Variants in TTC16 observed in about 807,000 individuals in gnomAD.
The protein encoded by TTC16 is tetratricopeptide repeat domain 16.
A neutral mutation model predicts 80.4 loss-of-function variants in TTC16; 66 were observed. The observed-to-expected ratio is 0.82, with a 90% CI of 0.67 to 1.01. The LOEUF (loss-of-function observed/expected upper bound fraction) is 1.01, where lower values mean the gene tolerates loss of function less well. Among genes scored for constraint, TTC16 ranks in the 50% least tolerant of loss-of-function variants. The pLI is 0.00. For missense variants in TTC16, 1,070 were observed against 1,103.2 expected (o/e 0.97, Z 0.43); for synonymous variants, 438 against 451.3 (o/e 0.97, Z 0.37).
rs377723581 is a variant in TTC16, at chr9:127,723,288, G to A, written c.827G>A (p.Arg276His). Residue 276 changes from arginine (R) to histidine (H), a missense_variant, in exon 7 of 14, where the codon CGT (arginine) becomes CAT (histidine). Arg to His is a conservative substitution (Grantham distance 29). Coordinates refer to ENST00000373289, the MANE Select transcript of TTC16 (RefSeq NM_144965.3). ...KLQHALQRIN[R>H]AIENNPLDPS... ...CAGCACGCACTGCAGCGGATCAACCGTGCCATCGAGAACAACCCTCTGGAC... is the reference window on the plus strand; with the variant it reads ...CAGCACGCACTGCAGCGGATCAACCATGCCATCGAGAACAACCCTCTGGAC... 88 of 1,612,956 alleles carry A rather than the reference G, an allele frequency of 5.5e-5. No homozygotes were observed. The African/African-American group carries it at 5.9e-4, about 11-fold the overall frequency.
chr9:127,719,704 G>C (rs1056683556), intron 4 of TTC16, among the ~76,000 whole-genome samples: 5 of 152,178 alleles, frequency 3.3e-5, no homozygotes, highest in African/African-American at 9.7e-5. Context: ...TGTTGGCCAG[G>C]CTGGCCTCAA....
At chr9:127,723,028 C>A in intron 6 of TTC16, 91 bp from the exon 7 acceptor site, 1 of 1,319,524 alleles carries the variant, frequency 7.6e-7, no homozygotes, top group Non-Finnish European at 1.1e-6. Context: ...ACGGAGGAGG[C>A]ATGGTGTGAT....
At chr9:127,725,340 G>A (rs1201954089) in intron 9 of TTC16, among the ~76,000 whole-genome samples, 5 of 150,946 alleles carry the variant, frequency 3.3e-5, no homozygotes, top group East Asian at 2.0e-4. Flanking sequence ...CGAGGCGGGC[G>A]GATCACAAGG....
intron 4 of TTC16, 117 bp downstream of exon 4, chr9:127,717,889 C>G (rs1843176331): frequency 1.5e-6 from 2 of 1,301,074 alleles, no homozygotes; most frequent in African/African-American, 1.5e-5. Context: ...GTGTCTGGGT[C>G]CCCCCCGCTG....
chr9:127,730,668 T>A lies in TTC16; in HGVS notation c.1885T>A (p.Ser629Thr). The change falls in exon 14 of 14, where the codon TCG becomes ACG. Residue 629 changes from serine (S) to threonine (T), a missense_variant. Coordinates refer to ENST00000373289, the MANE Select transcript of TTC16 (RefSeq NM_144965.3). Reference protein sequence around the residue: ...RTTGTSETEMSAICQEYRSTS... With the variant: ...RTTGTSETEMTAICQEYRSTS... ...CACAGGCACCTCAGAGACTGAGATG[T>A]CGGCTATCTGCCAGGAATACAGGAG... 1 of 1,612,982 alleles carries A rather than the reference T, an allele frequency of 6.2e-7. No individual in the cohort carries two copies. The highest frequency in any genetic ancestry group is 8.5e-7 in the Non-Finnish European group (1 of 1,180,006).
chr9:127,723,479 A>G (rs1564384657), intron 7 of TTC16, 146 bp downstream of exon 7: 1 of 775,652 alleles, frequency 1.3e-6, no homozygotes, highest in African/African-American at 1.7e-5. Context: ...CTACTGGGTT[A>G]AGGCATTGCA....
At chr9:127,729,865 A>T (rs887926309) in intron 13 of TTC16, 197 bp downstream of exon 13, 3 of 585,386 alleles carry the variant, frequency 5.1e-6, no homozygotes, top group Non-Finnish European at 9.2e-6. Context: ...TGCTCCAGGC[A>T]CTTCATGGTA....
chr9:127,729,368 C>T (rs1344277733), intron 12 of TTC16: 2 of 541,386 alleles, frequency 3.7e-6, no homozygotes, highest in Non-Finnish European at 6.6e-6. Flanking sequence ...TCAACACAAC[C>T]GTTCTCACGG....
chr9:127,729,872 G>A (rs1844258741), intron 13 of TTC16: 1 of 580,574 alleles, frequency 1.7e-6, no homozygotes, highest in Non-Finnish European at 3.1e-6. Flanking sequence ...GGCACTTCAT[G>A]GTAGCTGCTG....
chr9:127,726,446 G>A (rs991489012), intron 10 of TTC16, 42 bp downstream of exon 10: 2 of 1,504,376 alleles, frequency 1.3e-6, no homozygotes, highest in Admixed American at 4.3e-5. Context: ...CCGGAGTCAT[G>A]CCCGGTGCAT....
intron 5 of TTC16, 27 bp from the exon 6 acceptor site, chr9:127,720,239 C>G (rs371579534): frequency 6.2e-7 from 1 of 1,613,224 alleles, no homozygotes; most frequent in African/African-American, 1.3e-5. Context: ...ACCCGGGAAA[C>G]GAGCACTCTG....
chr9:127,721,638 C>T (rs1361701214), intron 6 of TTC16, among the ~76,000 whole-genome samples: 1 of 152,162 alleles, frequency 6.6e-6, no homozygotes, highest in Non-Finnish European at 1.5e-5. Context: ...GGCAACTCCT[C>T]CCTGTGCCCC....
intron 11 of TTC16, 78 bp downstream of exon 11, chr9:127,727,190 G>A (rs1428873091): frequency 8.6e-6 from 13 of 1,520,262 alleles, no homozygotes; most frequent in African/African-American, 1.4e-5. Flanking sequence ...CCAGCTGCAT[G>A]ACGGGGCCGT....
chr9:127,719,749 T>A (rs1163956937), intron 4 of TTC16, among the ~76,000 whole-genome samples: 1 of 152,246 alleles, frequency 6.6e-6, no homozygotes, highest in Non-Finnish European at 1.5e-5. Context: ...TGCCTGGGCC[T>A]CCCAAAGTGC....
At position 127,727,405 on chromosome 9, in the gene TTC16, C is replaced by T. The variant is rs749435011; in HGVS notation, c.1704C>T (p.Ser568=). 1 of 1,610,670 alleles carries T rather than the reference C, an allele frequency of 6.2e-7. No homozygotes were observed. Among genetic ancestry groups the T allele is most frequent in the Non-Finnish European group, 8.5e-7 (1 of 1,179,056 alleles). Residue 568 remains serine (S), a synonymous_variant, in exon 12 of 14, where the codon AGC becomes AGT. Coordinates refer to ENST00000373289, the MANE Select transcript of TTC16 (RefSeq NM_144965.3). ...AGATTCCGCAGGTAAAACCGGGAAG[C>T]TCAGAGGGAGAGGCTGAGGCCCCTG... is the stretch of plus-strand genomic sequence containing the variant. The part of the protein sequence containing the change: ...TPEIPQVKPG[S]SEGEAEAPEE...
intron 12 of TTC16, chr9:127,727,717 G>A: frequency 1.5e-6 from 1 of 689,532 alleles, no homozygotes; most frequent in Non-Finnish European, 2.1e-6. Flanking sequence ...CATGGTCACT[G>A]TCATGAATTC....
At chr9:127,730,408 C>G (rs1401543503) in intron 13 of TTC16, 7 of 609,506 alleles carry the variant, frequency 1.1e-5, no homozygotes, top group African/African-American at 1.9e-5. Context: ...AGAGCAGAGG[C>G]CTGGGACTGG....
intron 12 of TTC16, 48 bp from the exon 13 acceptor site, chr9:127,729,533 G>C (rs1377037522): frequency 6.6e-7 from 1 of 1,525,452 alleles, no homozygotes; most frequent in Non-Finnish European, 9.1e-7. Flanking sequence ...AGGTGCAGCT[G>C]CACGGGCCTC....
chr9:127,721,648 CG>C (rs1564382141), intron 6 of TTC16, among the ~76,000 whole-genome samples: 2 of 152,104 alleles, frequency 1.3e-5, no homozygotes, highest in East Asian at 3.9e-4. Context: ...CCCTGTGCCC[CG>C]GGGCTGGGCT....
Sources: gnomAD v4.1 joint callset for allele counts (sites outside exome capture counted in the v4.1 genomes callset) on GRCh38, gnomAD v4.1.1 for gene constraint, MANE v1.5 for transcripts, NCBI Gene and HGNC (gene_info 2026-07-23, HGNC 2026-07-21) for gene names.